NR3C2: variants seen among roughly 807,000 people sequenced by gnomAD.
The protein encoded by NR3C2 is mineralocorticoid receptor.
In NR3C2, 15 loss-of-function variants were observed where a neutral mutation model predicts 86.4. That is an observed-to-expected ratio of 0.17 (90% CI 0.12 to 0.27). The LOEUF is 0.27. Ranked by LOEUF, NR3C2 falls within the 10% of genes least tolerant of loss-of-function variation. The probability of loss-of-function intolerance (pLI) is 1.00; values close to 1 mark genes in which losing one functional copy is unlikely to be tolerated. For synonymous variants in NR3C2, 458 were observed against 450.5 expected (o/e 1.02, Z -0.21); for missense variants, 960 against 1,195.6 (o/e 0.80, Z 2.91).
At chr4:148,202,346 C>T (rs2149809407) in intron 3 of NR3C2, among the ~76,000 whole-genome samples, 1 of 152,280 alleles carries the variant, frequency 6.6e-6, no homozygotes, top group Middle Eastern at 3.4e-3. Context: ...CTCAGTCTGC[C>T]TTCATTAGTA....
At chr4:148,327,253 A>T (rs1744017301) in intron 2 of NR3C2, among the ~76,000 whole-genome samples, 1 of 152,222 alleles carries the variant, frequency 6.6e-6, no homozygotes, top group Non-Finnish European at 1.5e-5. Flanking sequence ...TGTCTGGAAA[A>T]AAAGAAACCT....
chr4:148,216,343 A>T (rs1460058951), intron 3 of NR3C2, among the ~76,000 whole-genome samples: 2 of 152,158 alleles, frequency 1.3e-5, no homozygotes, highest in African/African-American at 4.8e-5. Flanking sequence ...GCCGAAGTCA[A>T]AAGTGTGCTT....
At chr4:148,308,970 G>A (rs1175980485) in intron 2 of NR3C2, among the ~76,000 whole-genome samples, 1 of 151,988 alleles carries the variant, frequency 6.6e-6, no homozygotes, top group Non-Finnish European at 1.5e-5. Flanking sequence ...GCAACAGAGT[G>A]AGACTCTGTC....
chr4:148,129,658 C>T (rs1463059132), intron 6 of NR3C2, among the ~76,000 whole-genome samples: 5 of 152,102 alleles, frequency 3.3e-5, no homozygotes, highest in East Asian at 1.9e-4. Context: ...TGCAGTGGCA[C>T]GATCTCGGCT....
At chr4:148,344,400 A>T (rs2149984938) in intron 2 of NR3C2, among the ~76,000 whole-genome samples, 2 of 152,332 alleles carry the variant, frequency 1.3e-5, no homozygotes, top group East Asian at 3.9e-4. Flanking sequence ...TTGAAGCTAA[A>T]CATCAGGAAT....
chr4:148,115,534 G>C (rs929249254), intron 7 of NR3C2, among the ~76,000 whole-genome samples: 1 of 151,990 alleles, frequency 6.6e-6, no homozygotes, highest in Non-Finnish European at 1.5e-5. Context: ...CCCATAACTG[G>C]TGTAAATAAT....
intron 2 of NR3C2, among the ~76,000 whole-genome samples, chr4:148,304,991 A>T (rs904721278): frequency 2.7e-5 from 4 of 150,620 alleles, no homozygotes; most frequent in Middle Eastern, 3.2e-3. Context: ...GTCATGACAC[A>T]AGAACCCAGG....
At chr4:148,283,809 T>C (rs1429788684) in intron 2 of NR3C2, among the ~76,000 whole-genome samples, 4 of 152,250 alleles carry the variant, frequency 2.6e-5, no homozygotes, top group Non-Finnish European at 5.9e-5. Flanking sequence ...GATTTATATT[T>C]GATTTCACCA....
At chr4:148,408,081 G>A (rs1192188183) in intron 2 of NR3C2, among the ~76,000 whole-genome samples, 1 of 152,098 alleles carries the variant, frequency 6.6e-6, no homozygotes, top group Non-Finnish European at 1.5e-5. Flanking sequence ...TGCTGAAGCA[G>A]GAGGCAACCC....
chr4:148,182,956 C>G (rs1022964185), intron 4 of NR3C2, among the ~76,000 whole-genome samples: 1 of 152,214 alleles, frequency 6.6e-6, no homozygotes, highest in Non-Finnish European at 1.5e-5. Flanking sequence ...TCTCCTAATG[C>G]TATACCTCCC....
At chr4:148,182,027 C>G (rs765205366) in intron 4 of NR3C2, among the ~76,000 whole-genome samples, 1 of 152,138 alleles carries the variant, frequency 6.6e-6, no homozygotes, top group Non-Finnish European at 1.5e-5. Context: ...AAAATATTCT[C>G]TAGTATTTTG....
chr4:148,147,854 G>A (rs1218291123), intron 6 of NR3C2, among the ~76,000 whole-genome samples: 5 of 152,190 alleles, frequency 3.3e-5, no homozygotes, highest in Admixed American at 2.0e-4. Context: ...CAATGTGTGA[G>A]GCATGCTTTG....
At chr4:148,180,660 T>C (rs1735602683) in intron 4 of NR3C2, among the ~76,000 whole-genome samples, 1 of 152,232 alleles carries the variant, frequency 6.6e-6, no homozygotes, top group Non-Finnish European at 1.5e-5. Context: ...TTTTGACTCA[T>C]GCAAACCTTT....
intron 2 of NR3C2, among the ~76,000 whole-genome samples, chr4:148,285,976 G>T (rs997468743): frequency 1.3e-5 from 2 of 152,116 alleles, no homozygotes; most frequent in East Asian, 3.8e-4. Context: ...GAATGATTTT[G>T]CAATATGTGT....
chr4:148,210,091 A>T (rs1313792450), intron 3 of NR3C2, among the ~76,000 whole-genome samples: 1 of 152,070 alleles, frequency 6.6e-6, no homozygotes, highest in African/African-American at 2.4e-5. Context: ...GATGGGTCAC[A>T]TTCTAGAGGA....
chr4:148,421,923 CTT>C (rs962792952), intron 2 of NR3C2, among the ~76,000 whole-genome samples: 20 of 152,052 alleles, frequency 1.3e-4, no homozygotes, highest in Non-Finnish European at 2.8e-4. Context: ...TCATAAAAAT[CTT>C]TTGCTTGTTA....
chr4:148,220,170 T>G (rs1213501386), intron 3 of NR3C2, among the ~76,000 whole-genome samples: 1 of 152,118 alleles, frequency 6.6e-6, no homozygotes, highest in Non-Finnish European at 1.5e-5. Flanking sequence ...CACTGCAGTC[T>G]CAAACTACTG....
chr4:148,105,126 G>A (rs1392257667), intron 8 of NR3C2, among the ~76,000 whole-genome samples: 3 of 152,102 alleles, frequency 2.0e-5, no homozygotes, highest in Admixed American at 6.5e-5. Context: ...GGACCACAGC[G>A]AGATGCAAAA....
chr4:148,152,144 T>C (rs2149764447), intron 6 of NR3C2, among the ~76,000 whole-genome samples: 1 of 152,332 alleles, frequency 6.6e-6, no homozygotes, highest in Admixed American at 6.5e-5. Context: ...TTGGAGTCGA[T>C]ACCAAAAGAG....
Sources: allele counts gnomAD v4.1 joint callset (sites outside exome capture counted in the v4.1 genomes callset), GRCh38; gene constraint gnomAD v4.1.1; transcripts MANE v1.5; gene names NCBI Gene and HGNC (gene_info 2026-07-23, HGNC 2026-07-21).